The following SNX29 variants were observed in gnomAD, a reference collection of about 807,000 sequenced individuals.
SNX29 encodes sorting nexin-29.
Under a neutral mutation model 102.1 loss-of-function variants are expected in SNX29, and 78 were observed. That is an observed-to-expected ratio of 0.76 (90% CI 0.64 to 0.92). The LOEUF (loss-of-function observed/expected upper bound fraction) is 0.92. Among genes scored for constraint, SNX29 ranks in the 40% least tolerant of loss-of-function variants. SNX29 has a pLI of 0.00. For synonymous variants in SNX29, 580 were observed against 414.5 expected (o/e 1.40, Z -4.85); for missense variants, 1,280 against 1,061.7 (o/e 1.21, Z -2.86).
In SNX29 at chr16:12,569,317, G is replaced by T. The variant is rs1160711260; in HGVS notation, c.*688G>T. ...CCATGGCTGGCTTCAGGAAGGACCA[G>T]TGCCCTCCATAGCCTGAGGCCACCT... On this transcript the variant is annotated 3_prime_UTR_variant, in exon 21 of 21. Transcript: ENST00000566228. The T allele has an allele frequency of 4.4e-6, 1 of 229,806 alleles. No individual in the cohort carries two copies. The highest frequency in any genetic ancestry group is 8.6e-6 in the Non-Finnish European group (1 of 116,006). 14.2% of individuals were successfully genotyped at this position (229,806 alleles called of 1,614,324 possible).
rs898102723 is a variant in SNX29, at chr16:12,570,623, G to C, written c.*1994G>C. ...GAGGTCATCTCCCTGTTCTCTGTTG[G>C]ATAAAGGAACCTCCCCCATCTGTGA... On this transcript the variant is annotated 3_prime_UTR_variant, in exon 21 of 21. Transcript: ENST00000566228. 1 of 232,184 alleles carries C rather than the reference G, an allele frequency of 4.3e-6. No homozygotes were observed. Among genetic ancestry groups the C allele is most frequent in the Admixed American group, 5.6e-5 (1 of 17,758 alleles). The allele number at this position is 232,184 out of a possible 1,614,324, so 14.4% of individuals were successfully genotyped here.
At chr16:12,568,386 T>C (rs2079103337) in intron 20 of SNX29, 120 bp from the exon 21 acceptor site, 1 of 1,341,130 alleles carries the variant, frequency 7.5e-7, no homozygotes, top group Non-Finnish European at 1.0e-6. Context: ...GCAGATCCAA[T>C]GAGCCAGTCA....
chr16:12,367,679 G>T (rs571696314), intron 16 of SNX29, among the ~76,000 whole-genome samples: 1 of 152,258 alleles, frequency 6.6e-6, no homozygotes, highest in South Asian at 2.1e-4. Context: ...TTTTCTGCCG[G>T]GTGGCACTTG....
chr16:12,063,366 C>CTTTTTTTTTTTTTTTTT lies in SNX29; in HGVS notation c.1243+1730_1243+1746dup, dbSNP rs369015533. On this transcript the variant is annotated intron_variant, in intron 9 of 20. Coordinates refer to ENST00000566228, the MANE Select transcript of SNX29 (RefSeq NM_032167.5). Reference sequence around the variant, plus strand: ...CCCACCTCTTCTTTTCCTAGTCCATCTTTTTTTTTTTTTTTTTTTTTTTTT... The same window carrying CTTTTTTTTTTTTTTTTT: ...CCCACCTCTTCTTTTCCTAGTCCATCTTTTTTTTTTTTTTTTTTTTTTTTTTTTTTTTTTTTTTTTTT... 4.7e-3 allele frequency among the ~76,000 whole-genome samples: 261 copies of CTTTTTTTTTTTTTTTTT among 55,382 alleles called. 46 individuals carry two copies. Among genetic ancestry groups the CTTTTTTTTTTTTTTTTT allele is most frequent in the Middle Eastern group, 0.014 (1 of 70 alleles). The allele number at this position is 55,382 out of a possible 152,430, so 36.3% of individuals were successfully genotyped here.
intron 1 of SNX29, among the ~76,000 whole-genome samples, chr16:11,986,941 C>T (rs996952783): frequency 2.6e-5 from 4 of 152,172 alleles, no homozygotes; most frequent in African/African-American, 9.7e-5. Flanking sequence ...TACACTAGGA[C>T]ACTGCAATAC....
intron 20 of SNX29, 87 bp from the exon 21 acceptor site, chr16:12,568,419 T>C (rs2079104666): frequency 1.3e-5 from 20 of 1,557,234 alleles, no homozygotes; most frequent in Middle Eastern, 1.7e-4. Flanking sequence ...AGATCCCTCC[T>C]GCCCTCACAC....
rs79712398 is a variant in SNX29 at position 12,452,491 on chromosome 16, G to C, written c.2038-25228G>C. Among the ~76,000 whole-genome samples the C allele has an allele frequency of 5.8e-4, 89 of 152,280 alleles. 2 individuals carry two copies. In the East Asian group the frequency reaches 0.016, roughly 28 times the overall value. On this transcript the variant is annotated intron_variant, in intron 18 of 20. Coordinates refer to ENST00000566228, the MANE Select transcript of SNX29 (RefSeq NM_032167.5). ...CCACCGCTGAGTACACCGCTCCGTAGAGACCAGAGGAGTTCAGAGGAGAGT... is the reference window on the plus strand; with the variant it reads ...CCACCGCTGAGTACACCGCTCCGTACAGACCAGAGGAGTTCAGAGGAGAGT...
rs138176162 is a variant in SNX29, at chr16:12,135,823, G to A, written c.1595+6065G>A. ...GTTTGGTTATTAGAGATTGGAGCAC[G>A]TGTATTTTCTCTGCACCTAAGTAGA... On this transcript the variant is annotated intron_variant, in intron 13 of 20. Coordinates refer to ENST00000566228, the MANE Select transcript of SNX29 (RefSeq NM_032167.5). 2.8e-3 allele frequency: 1,042 copies of A among 369,548 alleles called. 19 individuals are homozygous for A. The highest frequency in any genetic ancestry group is 0.022 in the South Asian group (939 of 43,268). The allele number at this position is 369,548 out of a possible 1,614,324, so 22.9% of individuals were successfully genotyped here.
At chr16:12,033,680 C>T (rs1191428497) in intron 4 of SNX29, among the ~76,000 whole-genome samples, 2 of 151,810 alleles carry the variant, frequency 1.3e-5, no homozygotes, top group Non-Finnish European at 2.9e-5. Context: ...AATCTTGGCC[C>T]ACTGCAGCCT....
At chr16:12,032,203 CTTTTTTTTTT>C (rs781326269) in intron 4 of SNX29, among the ~76,000 whole-genome samples, 1 of 124,424 alleles carries the variant, frequency 8.0e-6, no homozygotes, top group Non-Finnish European at 1.6e-5. Context: ...TCTTCTTCTT[CTTTTTTTTTT>C]TTTTTTTGAT....
At chr16:12,443,138 CGGGCCTA>C (rs2085885882) in intron 18 of SNX29, 1 of 421,564 alleles carries the variant, frequency 2.4e-6, no homozygotes, top group Admixed American at 2.8e-5. Context: ...TAAATCCTGC[CGGGCCTA>C]GGGCCTGCGT....
intron 5 of SNX29, 118 bp from the exon 6 acceptor site, chr16:12,046,266 A>C: frequency 1.1e-6 from 1 of 945,890 alleles, no homozygotes; most frequent in Non-Finnish European, 1.7e-6. Flanking sequence ...GACAAATCAT[A>C]TCCCTCTTGG....
chr16:12,005,945 C>G, intron 3 of SNX29, among the ~76,000 whole-genome samples: 1 of 152,046 alleles, frequency 6.6e-6, no homozygotes, highest in Non-Finnish European at 1.5e-5. Flanking sequence ...CTACCATAAC[C>G]TTTGTTATAG....
At chr16:12,562,551 G>C (rs1431484214) in intron 20 of SNX29, among the ~76,000 whole-genome samples, 1 of 152,152 alleles carries the variant, frequency 6.6e-6, no homozygotes, top group Non-Finnish European at 1.5e-5. Context: ...AGTCATCTAA[G>C]ACACTGTCCC....
chr16:12,190,015 A>G (rs922047162), intron 13 of SNX29, among the ~76,000 whole-genome samples: 3 of 152,220 alleles, frequency 2.0e-5, no homozygotes, highest in African/African-American at 7.2e-5. Flanking sequence ...TCCAGTTATC[A>G]GTAATATATT....
At chr16:11,986,591 G>A (rs1028728124) in intron 1 of SNX29, among the ~76,000 whole-genome samples, 1 of 152,076 alleles carries the variant, frequency 6.6e-6, no homozygotes, top group African/African-American at 2.4e-5. Flanking sequence ...ACTTATCCAC[G>A]TTCCTTCTCT....
chr16:12,169,123 T>C (rs1596410161), intron 13 of SNX29, among the ~76,000 whole-genome samples: 1 of 152,244 alleles, frequency 6.6e-6, no homozygotes, highest in Non-Finnish European at 1.5e-5. Context: ...GCTGCACAGC[T>C]CTGTGAATAT....
chr16:12,220,543 G>C (rs1157760376), intron 14 of SNX29, among the ~76,000 whole-genome samples: 1 of 152,084 alleles, frequency 6.6e-6, no homozygotes, highest in African/African-American at 2.4e-5. Context: ...AGAGTGAAAT[G>C]ACCTGAGCCA....
At chr16:12,386,635 AAAT>A (rs1253523984) in intron 16 of SNX29, among the ~76,000 whole-genome samples, 1 of 152,244 alleles carries the variant, frequency 6.6e-6, no homozygotes, top group Non-Finnish European at 1.5e-5. Context: ...CTAAAAAAGA[AAAT>A]AATAAAAAAT....
Sources: allele counts gnomAD v4.1 joint callset (sites outside exome capture counted in the v4.1 genomes callset), GRCh38; gene constraint gnomAD v4.1.1; transcripts MANE v1.5; gene names NCBI Gene and HGNC (gene_info 2026-07-23, HGNC 2026-07-21).